CAST: variants seen among roughly 807,000 people sequenced by gnomAD.
CAST encodes the protein MIR583 host.
In CAST, 76 loss-of-function variants were observed where a neutral mutation model predicts 119.6. The ratio of observed to expected loss-of-function variants is 0.64; its 90% CI spans 0.53 to 0.77. CAST has a LOEUF of 0.77. CAST is among the 30% of genes least tolerant of loss of function. The pLI is 0.00. For missense variants in CAST, 953 were observed against 946.5 expected, an observed-to-expected ratio of 1.01 and a Z score of -0.09; for synonymous variants, 319 against 331.6, an observed-to-expected ratio of 0.96 and a Z score of 0.41.
chr5:96,366,380 G>T, the CAST span, among the ~76,000 whole-genome samples: 2 of 152,198 alleles, frequency 1.3e-5, no homozygotes, highest in African/African-American at 2.4e-5. Context: ...GGCCTGCCTT[G>T]CTAGGTTGGG....
intron 1 of CAST, among the ~76,000 whole-genome samples, chr5:96,664,519 C>G (rs1580879711): frequency 6.6e-6 from 1 of 152,118 alleles, no homozygotes; most frequent in South Asian, 2.1e-4. Flanking sequence ...ACCTCAGCCT[C>G]CCAAAATGTT....
chr5:96,485,026 T>C, the CAST span, among the ~76,000 whole-genome samples: 3 of 152,212 alleles, frequency 2.0e-5, no homozygotes, highest in African/African-American at 4.8e-5. Context: ...GCAGAACTTC[T>C]ACCACTTCTT....
the CAST span, among the ~76,000 whole-genome samples, chr5:96,424,113 A>G: frequency 6.6e-6 from 1 of 152,216 alleles, no homozygotes; most frequent in South Asian, 2.1e-4. Flanking sequence ...GCAAGGGAAC[A>G]CAGATATAAG....
chr5:96,460,265 T>A, the CAST span, among the ~76,000 whole-genome samples: 1 of 151,986 alleles, frequency 6.6e-6, no homozygotes, highest in African/African-American at 2.4e-5. Flanking sequence ...GAAGAGTCAC[T>A]TGAGACCGTG....
At chr5:96,535,972 C>T (rs1419672012) in intron 1 of CAST, among the ~76,000 whole-genome samples, 1 of 149,890 alleles carries the variant, frequency 6.7e-6, no homozygotes, top group Non-Finnish European at 1.5e-5. Flanking sequence ...ATGAGGAGCC[C>T]TTTAGTACAT....
At chr5:96,488,116 A>G in the CAST span, among the ~76,000 whole-genome samples, 2 of 152,216 alleles carry the variant, frequency 1.3e-5, no homozygotes, top group African/African-American at 4.8e-5. Flanking sequence ...AACAGAATCA[A>G]GTGAGGTTGG....
At chr5:95,985,346 T>C in the CAST span, among the ~76,000 whole-genome samples, 1 of 152,130 alleles carries the variant, frequency 6.6e-6, no homozygotes, top group Admixed American at 6.5e-5. Context: ...GAAATAAAAT[T>C]ACCTATGTGG....
At chr5:96,217,930 T>C in the CAST span, among the ~76,000 whole-genome samples, 1 of 152,216 alleles carries the variant, frequency 6.6e-6, no homozygotes, top group Non-Finnish European at 1.5e-5. Flanking sequence ...TGTACGCTTA[T>C]AATATGTACA....
At chr5:96,082,933 C>T in the CAST span, among the ~76,000 whole-genome samples, 1 of 152,210 alleles carries the variant, frequency 6.6e-6, no homozygotes, top group Non-Finnish European at 1.5e-5. Flanking sequence ...CACTAAAATT[C>T]ACCCTGATTT....
chr5:96,762,990 A>G (rs766372330), intron 25 of CAST: 93 of 624,268 alleles, frequency 1.5e-4, no homozygotes, highest in Non-Finnish European at 8.1e-5. Flanking sequence ...CACCTGTGCA[A>G]TACCAAATTA....
chr5:96,379,526 A>T, the CAST span: 1 of 152,184 alleles, frequency 6.6e-6, no homozygotes, highest in African/African-American at 2.4e-5. Flanking sequence ...TAAATTACAG[A>T]TATGAATGTA....
At chr5:96,269,363 G>A in the CAST span, among the ~76,000 whole-genome samples, 1 of 152,064 alleles carries the variant, frequency 6.6e-6, no homozygotes, top group Non-Finnish European at 1.5e-5. Context: ...TACAATAAAA[G>A]TAGGGGATTC....
the CAST span, among the ~76,000 whole-genome samples, chr5:96,223,743 T>C: frequency 6.6e-6 from 1 of 152,332 alleles, no homozygotes; most frequent in East Asian, 1.9e-4. Flanking sequence ...ACCCTGCTTC[T>C]TCTCCATCTG....
chr5:95,999,412 T>A, the CAST span, among the ~76,000 whole-genome samples: 1 of 152,152 alleles, frequency 6.6e-6, no homozygotes, highest in Non-Finnish European at 1.5e-5. Flanking sequence ...TTGCTTGGTG[T>A]GATCATAGCT....
the CAST span, among the ~76,000 whole-genome samples, chr5:96,288,108 G>GT: frequency 2.0e-5 from 3 of 152,124 alleles, no homozygotes; most frequent in African/African-American, 2.4e-5. Context: ...AAGGGCTTTG[G>GT]TTTTTAAATT....
chr5:96,363,685 T>C, the CAST span, among the ~76,000 whole-genome samples: 1 of 152,232 alleles, frequency 6.6e-6, no homozygotes, highest in Admixed American at 6.5e-5. Context: ...ACATTGATTT[T>C]GTATCCTGAG....
At chr5:96,562,681 G>T (rs1286529093) in intron 1 of CAST, among the ~76,000 whole-genome samples, 3 of 152,176 alleles carry the variant, frequency 2.0e-5, no homozygotes, top group Non-Finnish European at 2.9e-5. Flanking sequence ...ATATGGGCAA[G>T]GATACTCATT....
chr5:96,049,924 GA>G, the CAST span, among the ~76,000 whole-genome samples: 4 of 73,090 alleles, frequency 5.5e-5, no homozygotes, highest in Non-Finnish European at 8.6e-5. Context: ...AAAAGAAAAA[GA>G]AAAAAAGGAG....
chr5:95,961,703 C>T, the CAST span: 4 of 1,606,298 alleles, frequency 2.5e-6, no homozygotes, highest in Admixed American at 3.4e-5. Flanking sequence ...CGCAGGCCCC[C>T]TGTCCCCCCC....
Sources: gnomAD v4.1 joint callset for allele counts (sites outside exome capture counted in the v4.1 genomes callset) on GRCh38, gnomAD v4.1.1 for gene constraint, MANE v1.5 for transcripts, NCBI Gene and HGNC (gene_info 2026-07-23, HGNC 2026-07-21) for gene names.